The following RTN4 variants were observed in gnomAD, a reference collection of about 807,000 sequenced individuals.
RTN4 encodes the protein reticulon 4, also known as reticulon-4.
RTN4 carries 32 observed loss-of-function variants against 90.4 expected under a neutral mutation model. The observed-to-expected ratio is 0.35, with a 90% CI of 0.27 to 0.48. RTN4 has a LOEUF of 0.48. RTN4 is among the 20% of genes least tolerant of loss of function. RTN4 has a pLI of 0.99. For synonymous variants in RTN4, 629 were observed against 552.5 expected, an observed-to-expected ratio of 1.14 and a Z score of -1.94; for missense variants, 1,706 against 1,430.2, an observed-to-expected ratio of 1.19 and a Z score of -3.11.
At chr2:55,070,043 A>T (rs977155231) in intron 2 of RTN4, among the ~76,000 whole-genome samples, 1 of 152,210 alleles carries the variant, frequency 6.6e-6, no homozygotes, top group Non-Finnish European at 1.5e-5. Flanking sequence ...GAGACTAATC[A>T]TAGGGCAAAC....
intron 1 of RTN4, among the ~76,000 whole-genome samples, chr2:55,102,601 T>C (rs1254832069): frequency 2.0e-5 from 3 of 152,136 alleles, no homozygotes; most frequent in African/African-American, 7.2e-5. Flanking sequence ...TGGTGGCTGA[T>C]TGGACTTGAC....
At chr2:55,094,292 C>T (rs1281826199) in intron 1 of RTN4, among the ~76,000 whole-genome samples, 1 of 152,192 alleles carries the variant, frequency 6.6e-6, no homozygotes, top group Non-Finnish European at 1.5e-5. Context: ...TCCATCAGCA[C>T]CTGCATTTTG....
At chr2:55,125,199 G>A in the RTN4 span, among the ~76,000 whole-genome samples, 1 of 152,134 alleles carries the variant, frequency 6.6e-6, no homozygotes, top group Non-Finnish European at 1.5e-5. Context: ...ATAGGAATGG[G>A]CAAAAATTTC....
chr2:55,042,481 T>C (rs966770279), intron 1 of RTN4, among the ~76,000 whole-genome samples: 1 of 152,176 alleles, frequency 6.6e-6, no homozygotes, highest in African/African-American at 2.4e-5. Flanking sequence ...GAAAAGGATA[T>C]ACATGTATAA....
chr2:55,017,984 C>T (rs1681165280), intron 3 of RTN4, among the ~76,000 whole-genome samples: 1 of 152,266 alleles, frequency 6.6e-6, no homozygotes, highest in Non-Finnish European at 1.5e-5. Flanking sequence ...GAGTTGGAAT[C>T]GCAGTTCATT....
chr2:55,001,002 T>C (rs544900059), intron 3 of RTN4, among the ~76,000 whole-genome samples: 2 of 152,236 alleles, frequency 1.3e-5, no homozygotes, highest in Non-Finnish European at 2.9e-5. Context: ...TAACAATCTA[T>C]GTAATTACAT....
At position 55,045,220 on chromosome 2, in the gene RTN4, T is replaced by C. The variant is rs1683340814; in HGVS notation, c.556+4525A>G. Among the ~76,000 whole-genome samples, 4 of 152,210 alleles carry C rather than the reference T, an allele frequency of 2.6e-5. No individual in the cohort carries two copies. In the South Asian group the frequency reaches 6.2e-4, roughly 24 times the overall value. ...TATACAAATTTTCATGGCAATTAAA[T>C]TTTGGCAGTCTCTGAAACTGATTTA... is the stretch of plus-strand genomic sequence containing the variant. On this transcript the variant is annotated intron_variant, in intron 1 of 8. Coordinates refer to ENST00000337526, the MANE Select transcript of RTN4 (RefSeq NM_020532.5).
intron 3 of RTN4, among the ~76,000 whole-genome samples, chr2:55,002,900 T>A (rs1026443425): frequency 6.6e-5 from 10 of 152,192 alleles, no homozygotes; most frequent in African/African-American, 2.4e-4. Flanking sequence ...AAGACCTGCA[T>A]AAATAGAAAC....
At chr2:55,066,197 G>GTGTGTGTGTGTGTGTGTT (rs1668390618) in intron 2 of RTN4, among the ~76,000 whole-genome samples, 1 of 64,540 alleles carries the variant, frequency 1.5e-5, no homozygotes, top group Non-Finnish European at 3.7e-5. Context: ...GTGTGTTTGT[G>GTGTGTGTGTGTGTGTGTT]TGTGTGTGTG....
At chr2:55,125,952 T>C in the RTN4 span, among the ~76,000 whole-genome samples, 2 of 151,302 alleles carry the variant, frequency 1.3e-5, no homozygotes, top group Non-Finnish European at 2.9e-5. Flanking sequence ...TCCCAGCTAC[T>C]TGGGAGGCCG....
intron 5 of RTN4, among the ~76,000 whole-genome samples, chr2:54,976,691 A>G (rs941467172): frequency 6.6e-6 from 1 of 152,224 alleles, no homozygotes; most frequent in Non-Finnish European, 1.5e-5. Flanking sequence ...TGGCAGCAAG[A>G]ACTAACCTAG....
chr2:55,073,370 A>G (rs1668547608), intron 2 of RTN4, among the ~76,000 whole-genome samples: 1 of 152,230 alleles, frequency 6.6e-6, no homozygotes, highest in Non-Finnish European at 1.5e-5. Flanking sequence ...GCTTTATAGA[A>G]GACATAAATA....
intron 2 of RTN4, among the ~76,000 whole-genome samples, chr2:55,063,782 G>C (rs2105007171): frequency 6.6e-6 from 1 of 152,128 alleles, no homozygotes; most frequent in African/African-American, 2.4e-5. Flanking sequence ...TTGGGAAGTT[G>C]AGGCAGGAGA....
At chr2:55,085,257 C>A (rs983727034) in intron 1 of RTN4, among the ~76,000 whole-genome samples, 2 of 151,924 alleles carry the variant, frequency 1.3e-5, no homozygotes, top group Admixed American at 1.3e-4. Flanking sequence ...TCTGGAGAAC[C>A]CAAACACAGT....
Position 55,050,325 on chromosome 2 carries a change from C to T in RTN4, c.-25G>A. 1.5e-6 allele frequency: 2 copies of T among 1,367,336 alleles called. No individual in the cohort carries two copies. The highest frequency in any genetic ancestry group is 3.6e-5 in the South Asian group (2 of 55,368). 84.7% of individuals were successfully genotyped at this position (1,367,336 alleles called of 1,614,324 possible). A position where few individuals can be genotyped will look rare whatever the true frequency, so the allele number is the denominator to read the frequency against. ...TGGCTGGAGGGTGGAGATGATGCTG[C>T]AGCTGCTGCCGCCGCCGCCGGGGCC... On this transcript the variant is annotated 5_prime_UTR_variant, in exon 1 of 9. Transcript: ENST00000337526. The surrounding 1 kb of genome is among the most constrained non-coding windows in gnomAD (Gnocchi z 4.6).
rs76773436 is a variant in RTN4, at chr2:55,020,582, T to C, written c.3013+4504A>G. ...GGGGAGGAAGACCAGAATTCATTAG[T>C]TTCTTGACAAACTTTACTTCCCAAA... On this transcript the variant is annotated intron_variant, in intron 3 of 8. Coordinates refer to ENST00000337526, the MANE Select transcript of RTN4 (RefSeq NM_020532.5). Among the ~76,000 whole-genome samples, 1,384 of 152,306 alleles carry C rather than the reference T, an allele frequency of 9.1e-3. 6 individuals are homozygous for C. Among genetic ancestry groups the C allele is most frequent in the Non-Finnish European group, 0.014 (974 of 68,022 alleles).
intron 1 of RTN4, among the ~76,000 whole-genome samples, chr2:55,084,318 T>G (rs1449016327): frequency 6.6e-6 from 1 of 151,564 alleles, no homozygotes; most frequent in African/African-American, 2.4e-5. Context: ...TTTTTTTTTT[T>G]TAAATAGAGG....
intron 2 of RTN4, among the ~76,000 whole-genome samples, chr2:55,073,493 A>C (rs1668549406): frequency 6.6e-6 from 1 of 152,238 alleles, no homozygotes; most frequent in Admixed American, 6.5e-5. Flanking sequence ...ATTTGGCAGC[A>C]AGTTGGTATA....
chr2:55,078,462 T>G (rs1329899874), intron 2 of RTN4, among the ~76,000 whole-genome samples: 1 of 152,228 alleles, frequency 6.6e-6, no homozygotes, highest in African/African-American at 2.4e-5. Flanking sequence ...ATATTCCAGT[T>G]CTTCTTCTAC....
Sources: gnomAD v4.1 joint callset for allele counts (sites outside exome capture counted in the v4.1 genomes callset) on GRCh38, gnomAD v4.1.1 for gene constraint, Gnocchi (gnomAD v3.1) non-coding constraint, MANE v1.5 for transcripts, NCBI Gene and HGNC (gene_info 2026-07-23, HGNC 2026-07-21) for gene names.